Variants in ATF7IP observed in about 807,000 individuals in gnomAD.
ATF7IP encodes activating transcription factor 7 interacting protein.
In ATF7IP, 23 loss-of-function variants were observed where a neutral mutation model predicts 106.4. That is an observed-to-expected ratio of 0.22 (90% CI 0.16 to 0.31). The LOEUF (loss-of-function observed/expected upper bound fraction) is 0.31. Among genes scored for constraint, ATF7IP ranks in the 10% least tolerant of loss-of-function variants. The pLI is 1.00. For missense variants in ATF7IP, 1,334 were observed against 1,524.3 expected, an observed-to-expected ratio of 0.88 and a Z score of 2.08; for synonymous variants, 542 against 539.0, an observed-to-expected ratio of 1.01 and a Z score of -0.08.
chr12:14,470,914 T>A (rs1051161414), intron 10 of ATF7IP, among the ~76,000 whole-genome samples: 2 of 152,234 alleles, frequency 1.3e-5, no homozygotes, highest in South Asian at 2.1e-4. Context: ...CTTGTAGATC[T>A]TCTTGATCTA....
Position 14,460,616 on chromosome 12 carries a change from T to C in ATF7IP, c.2280T>C (p.Thr760=). The C allele has an allele frequency of 6.2e-7, 1 of 1,614,172 alleles. No homozygotes were observed. The highest frequency in any genetic ancestry group is 8.5e-7 in the Non-Finnish European group (1 of 1,180,010). Residue 760 remains threonine, a synonymous_variant, in exon 9 of 15, where the codon ACT becomes ACC. Transcript: ENST00000261168. ...TSVLPAPNTA[T]VVATTQVPSG... Reference sequence around the variant, plus strand: ...TTCTTCCTGCACCCAATACAGCTACTGTAGTTGCTACTACTCAGGTGCCTA... The same window carrying C: ...TTCTTCCTGCACCCAATACAGCTACCGTAGTTGCTACTACTCAGGTGCCTA...
chr12:14,383,307 A>G (rs991349967), intron 1 of ATF7IP, among the ~76,000 whole-genome samples: 24 of 152,240 alleles, frequency 1.6e-4, no homozygotes, highest in African/African-American at 1.9e-4. Flanking sequence ...GTATTTGGCA[A>G]GAGAAGGGAG....
chr12:14,441,870 G>A (rs574011362), intron 5 of ATF7IP, among the ~76,000 whole-genome samples: 1 of 152,214 alleles, frequency 6.6e-6, no homozygotes, highest in South Asian at 2.1e-4. Flanking sequence ...CTCCCGTTCT[G>A]TAATTTGTCT....
intron 1 of ATF7IP, among the ~76,000 whole-genome samples, chr12:14,393,329 T>C (rs2136440633): frequency 6.6e-6 from 1 of 152,318 alleles, no homozygotes; most frequent in South Asian, 2.1e-4. Context: ...TCAACTCATA[T>C]TTTATGATCA....
At chr12:14,423,136 C>T (rs1941623890) in intron 1 of ATF7IP, among the ~76,000 whole-genome samples, 1 of 152,180 alleles carries the variant, frequency 6.6e-6, no homozygotes, top group African/African-American at 2.4e-5. Flanking sequence ...TCCCTGATGT[C>T]TCATGATGTT....
intron 6 of ATF7IP, among the ~76,000 whole-genome samples, chr12:14,451,869 C>T (rs1248377350): frequency 2.6e-5 from 4 of 152,050 alleles, no homozygotes; most frequent in Admixed American, 6.6e-5. Flanking sequence ...TCTGTTAGGT[C>T]CAATTAGCAT....
At chr12:14,450,113 AC>A (rs1410085814) in intron 6 of ATF7IP, among the ~76,000 whole-genome samples, 3 of 152,118 alleles carry the variant, frequency 2.0e-5, no homozygotes, top group Non-Finnish European at 4.4e-5. Context: ...TCATCTGTGA[AC>A]AAAGATATTT....
chr12:14,385,193 G>T, intron 1 of ATF7IP: 1 of 493,700 alleles, frequency 2.0e-6, no homozygotes, highest in Non-Finnish European at 3.6e-6. Context: ...GTTTCCTGCA[G>T]GCTGACAAAG....
At chr12:14,422,734 C>G (rs947747433) in intron 1 of ATF7IP, among the ~76,000 whole-genome samples, 2 of 152,150 alleles carry the variant, frequency 1.3e-5, no homozygotes, top group Non-Finnish European at 2.9e-5. Context: ...GTACTTCATT[C>G]CCCTTTGTGG....
intron 11 of ATF7IP, among the ~76,000 whole-genome samples, chr12:14,477,281 C>T (rs1275611350): frequency 5.3e-5 from 8 of 152,120 alleles, no homozygotes; most frequent in Non-Finnish European, 1.0e-4. Flanking sequence ...ACAGTAAAGT[C>T]GGTTTTGTTA....
chr12:14,436,175 A>G lies in ATF7IP; in HGVS notation c.1715A>G (p.Tyr572Cys), dbSNP rs545457346. ...AATGTACAGTCTAAACGTCGTCGAT[A>G]TATGGAAGAAGAATATGAGGCAGAA... ...MDNVQSKRRR[Y>C]MEEEYEAEFQ... is the part of the protein sequence containing the mutation. The change falls in exon 4 of 15, where the codon TAT becomes TGT. Residue 572 changes from tyrosine (Y) to cysteine (C), a missense_variant. Around this residue, in one of 10 missense-constraint regions of ATF7IP, gnomAD observed 119 missense variants for 117.8 expected, o/e 1.01. Coordinates refer to ENST00000261168, the MANE Select transcript of ATF7IP (RefSeq NM_018179.5). 1.4e-5 allele frequency: 22 copies of G among 1,613,772 alleles called. No individual in the cohort carries two copies. The East Asian group carries it at 2.7e-4, about 20-fold the overall frequency.
intron 11 of ATF7IP, chr12:14,476,579 T>C (rs1278289100): frequency 6.6e-6 from 1 of 152,164 alleles, no homozygotes; most frequent in Non-Finnish European, 1.5e-5. Flanking sequence ...ATACTCATTT[T>C]AGACTTGAGG....
At chr12:14,481,660 G>T (rs1375941401) in intron 13 of ATF7IP, 1 of 433,906 alleles carries the variant, frequency 2.3e-6, no homozygotes, top group Admixed American at 2.6e-5. Flanking sequence ...TGTGCTCTGA[G>T]TGTTGTCTTT....
intron 1 of ATF7IP, among the ~76,000 whole-genome samples, chr12:14,398,414 A>T (rs1591790082): frequency 6.9e-6 from 1 of 145,940 alleles, no homozygotes. Context: ...TAAGGAGATA[A>T]TTTTTCTGTC....
rs1938609522 is a variant in ATF7IP, at chr12:14,373,437, G to A, written c.-8+7610G>A. 2.0e-5 allele frequency among the ~76,000 whole-genome samples: 3 copies of A among 152,174 alleles called. No homozygotes were observed. In the South Asian group the frequency reaches 6.2e-4, roughly 32 times the overall value. ...AGTTTTACTAGCTAGAGGCAAGGAA[G>A]AAAGAACAATGGGAGTGCATATTCT... On this transcript the variant is annotated intron_variant, in intron 1 of 14. Transcript: ENST00000261168.
intron 1 of ATF7IP, among the ~76,000 whole-genome samples, chr12:14,384,699 G>C (rs1939138184): frequency 6.6e-6 from 1 of 151,970 alleles, no homozygotes; most frequent in Non-Finnish European, 1.5e-5. Context: ...TTAATTGTAG[G>C]CTTTAACTGT....
chr12:14,408,271 A>T (rs766934531), intron 1 of ATF7IP, among the ~76,000 whole-genome samples: 1 of 152,104 alleles, frequency 6.6e-6, no homozygotes, highest in Non-Finnish European at 1.5e-5. Context: ...TGCAAGGCAC[A>T]TATTTTTTTC....
intron 6 of ATF7IP, among the ~76,000 whole-genome samples, chr12:14,453,907 G>A (rs1290820987): frequency 1.3e-5 from 2 of 152,200 alleles, no homozygotes; most frequent in Non-Finnish European, 2.9e-5. Context: ...TTACAGGCAC[G>A]AGCCACCAGG....
intron 10 of ATF7IP, among the ~76,000 whole-genome samples, chr12:14,473,766 T>C (rs1944148693): frequency 6.6e-6 from 1 of 151,940 alleles, no homozygotes; most frequent in Non-Finnish European, 1.5e-5. Flanking sequence ...TTTGTCTCCT[T>C]TTTTCAAGGA....
Sources: allele counts gnomAD v4.1 joint callset (sites outside exome capture counted in the v4.1 genomes callset), GRCh38; gene constraint gnomAD v4.1.1; regional missense constraint gnomAD v4.1.1; transcripts MANE v1.5; gene names NCBI Gene and HGNC (gene_info 2026-07-23, HGNC 2026-07-21).